Variants in FAM171A1 observed in about 807,000 individuals in gnomAD.
FAM171A1 encodes protein FAM171A1.
In FAM171A1, 23 loss-of-function variants were observed where a neutral mutation model predicts 74.9. The observed-to-expected ratio is 0.31, with a 90% CI of 0.22 to 0.44. FAM171A1 has a LOEUF of 0.44. Ranked by LOEUF, FAM171A1 falls within the 20% of genes least tolerant of loss-of-function variation. FAM171A1 has a pLI of 1.00. For synonymous variants in FAM171A1, 527 were observed against 505.7 expected, an observed-to-expected ratio of 1.04 and a Z score of -0.57; for missense variants, 1,162 against 1,159.2, an observed-to-expected ratio of 1.00 and a Z score of -0.03.
At chr10:15,329,449 G>C (rs1313284740) in intron 1 of FAM171A1, among the ~76,000 whole-genome samples, 1 of 152,074 alleles carries the variant, frequency 6.6e-6, no homozygotes, top group African/African-American at 2.4e-5. Context: ...CCAGGAGTTT[G>C]AGACCAGCCT....
intron 5 of FAM171A1, among the ~76,000 whole-genome samples, chr10:15,229,085 TTGCCAAAAGTTCTATCAA>T (rs1378541196): frequency 6.6e-6 from 1 of 152,204 alleles, no homozygotes; most frequent in Non-Finnish European, 1.5e-5. Flanking sequence ...AGAAATCCCA[TTGCCAAAAGTTCTATCAA>T]TGAAGACGTG....
intron 1 of FAM171A1, among the ~76,000 whole-genome samples, chr10:15,298,642 A>T (rs1489183987): frequency 6.6e-6 from 1 of 152,230 alleles, no homozygotes; most frequent in Non-Finnish European, 1.5e-5. Flanking sequence ...ACAAAAGCAA[A>T]AGCCATAGTT....
chr10:15,267,057 T>G (rs1389026214), intron 3 of FAM171A1, among the ~76,000 whole-genome samples: 3 of 152,054 alleles, frequency 2.0e-5, no homozygotes, highest in Non-Finnish European at 4.4e-5. Context: ...GAGCAGAGAC[T>G]CGAGTTAGAA....
At chr10:15,268,446 C>T (rs1195457086) in intron 3 of FAM171A1, among the ~76,000 whole-genome samples, 1 of 152,022 alleles carries the variant, frequency 6.6e-6, no homozygotes, top group African/African-American at 2.4e-5. Flanking sequence ...GACAATTCCT[C>T]GAGTTTTGGC....
At chr10:15,215,429 A>C (rs543350366) in intron 7 of FAM171A1, among the ~76,000 whole-genome samples, 2 of 152,112 alleles carry the variant, frequency 1.3e-5, no homozygotes, top group African/African-American at 4.8e-5. Context: ...ACAGTGGTGC[A>C]ATCTTGGCTC....
chr10:15,295,342 C>G (rs1835149255), intron 1 of FAM171A1, among the ~76,000 whole-genome samples: 2 of 152,152 alleles, frequency 1.3e-5, no homozygotes, highest in South Asian at 4.1e-4. Flanking sequence ...CCTCCAAATT[C>G]CAAAACATGT....
chr10:15,213,573 G>T lies in FAM171A1; in HGVS notation c.2015C>A (p.Ser672Tyr). Residue 672 changes from serine (S) to tyrosine (Y), a missense_variant, in exon 8 of 8, where the codon TCC becomes TAC. Physicochemically the swap from Ser to Tyr is moderately radical, Grantham distance 144. Coordinates refer to ENST00000378116, the MANE Select transcript of FAM171A1 (RefSeq NM_001010924.2). This position sits in a 1 kb window ranked among gnomAD's most constrained non-coding sequence, Gnocchi z 6.8. The stretch of plus-strand genomic sequence containing the variant: ...CTGAGCCAAAGCCGCGTCGTTCAGG[G>T]AAGCTGGGATGGAGAGAGACTCCGA... Reference protein sequence around the residue: ...SMSESLSIPASLNDAALAQMN... With the variant: ...SMSESLSIPAYLNDAALAQMN... The T allele has an allele frequency of 6.2e-7, 1 of 1,614,198 alleles. No individual in the cohort carries two copies. Among genetic ancestry groups the T allele is most frequent in the Non-Finnish European group, 8.5e-7 (1 of 1,180,040 alleles).
chr10:15,266,298 CT>C (rs1834739737), intron 3 of FAM171A1, among the ~76,000 whole-genome samples: 1 of 152,202 alleles, frequency 6.6e-6, no homozygotes, highest in Non-Finnish European at 1.5e-5. Context: ...ACACTATGGA[CT>C]GGTTACCCCC....
chr10:15,228,037 G>A (rs1282682953), intron 5 of FAM171A1, among the ~76,000 whole-genome samples: 3 of 152,066 alleles, frequency 2.0e-5, no homozygotes, highest in Non-Finnish European at 2.9e-5. Context: ...TTAACAAATG[G>A]CCATCAAAAG....
chr10:15,352,377 C>A (rs568797915), intron 1 of FAM171A1, among the ~76,000 whole-genome samples: 2 of 152,264 alleles, frequency 1.3e-5, no homozygotes, highest in South Asian at 4.1e-4. Context: ...GAATGTGAAA[C>A]AGGAATGGGC....
intron 1 of FAM171A1, among the ~76,000 whole-genome samples, chr10:15,298,748 C>T (rs10796273): frequency 0.34 from 51,094 of 151,824 alleles, 10,078 homozygotes; most frequent in East Asian, 0.78. Flanking sequence ...AGTGACTATA[C>T]CACGGAAATG....
At chr10:15,311,785 TCTC>T (rs1446106260) in intron 1 of FAM171A1, among the ~76,000 whole-genome samples, 1 of 152,158 alleles carries the variant, frequency 6.6e-6, no homozygotes, top group Admixed American at 6.5e-5. Flanking sequence ...AAAGGAGAAT[TCTC>T]CTCTGCCTAG....
At chr10:15,324,674 A>C (rs1054766834) in intron 1 of FAM171A1, among the ~76,000 whole-genome samples, 2 of 152,120 alleles carry the variant, frequency 1.3e-5, no homozygotes, top group African/African-American at 4.8e-5. Flanking sequence ...TCCTACTGAC[A>C]ATCTTAAAAT....
intron 1 of FAM171A1, among the ~76,000 whole-genome samples, chr10:15,311,336 T>C (rs1267961994): frequency 6.6e-6 from 1 of 152,178 alleles, no homozygotes; most frequent in African/African-American, 2.4e-5. Context: ...TTTCAATGAC[T>C]TAGAGGGGGA....
rs1019773401 is a variant in FAM171A1 at position 15,229,636 on chromosome 10, T to C, written c.755-8576A>G. 1.8e-3 allele frequency among the ~76,000 whole-genome samples: 235 copies of C among 130,546 alleles called. 4 individuals carry two copies. The highest frequency in any genetic ancestry group is 6.8e-3 in the African/African-American group (224 of 32,870). The allele number at this position is 130,546 out of a possible 152,430, so 85.6% of individuals were successfully genotyped here. On this transcript the variant is annotated intron_variant, in intron 5 of 7. Transcript: ENST00000378116. ...ATCACCATTGTCACCCCCATCACCA[T>C]CATCACCATCACCATCATCACCATT...
chr10:15,304,731 TCC>T (rs1835273392), intron 1 of FAM171A1, among the ~76,000 whole-genome samples: 1 of 152,078 alleles, frequency 6.6e-6, no homozygotes, highest in South Asian at 2.1e-4. Flanking sequence ...CCTCCCTCTC[TCC>T]CTCTCTCTCT....
chr10:15,343,691 C>A (rs1327726751), intron 1 of FAM171A1, among the ~76,000 whole-genome samples: 2 of 152,148 alleles, frequency 1.3e-5, no homozygotes, highest in African/African-American at 2.4e-5. Flanking sequence ...ACAGCCACTG[C>A]ACAGGCCGGT....
chr10:15,363,269 C>T (rs1480318776), intron 1 of FAM171A1, among the ~76,000 whole-genome samples: 1 of 152,202 alleles, frequency 6.6e-6, no homozygotes, highest in Non-Finnish European at 1.5e-5. Flanking sequence ...TCGCATTATT[C>T]TGCAGGACAG....
At chr10:15,305,149 G>A (rs781390119) in intron 1 of FAM171A1, among the ~76,000 whole-genome samples, 5 of 152,134 alleles carry the variant, frequency 3.3e-5, no homozygotes, top group Admixed American at 1.3e-4. Flanking sequence ...AGGTTTTCCC[G>A]GTGAAGATAC....
Sources: allele counts gnomAD v4.1 joint callset (sites outside exome capture counted in the v4.1 genomes callset), GRCh38; gene constraint gnomAD v4.1.1; non-coding constraint Gnocchi (gnomAD v3.1); transcripts MANE v1.5; gene names NCBI Gene and HGNC (gene_info 2026-07-23, HGNC 2026-07-21).